Variants in ATP8B2 observed in about 807,000 individuals in gnomAD.
ATP8B2 encodes the protein ATPase phospholipid transporting 8B2.
Under a neutral mutation model 133.4 loss-of-function variants are expected in ATP8B2, and 70 were observed. That is an observed-to-expected ratio of 0.52 (90% CI 0.43 to 0.64). The LOEUF (loss-of-function observed/expected upper bound fraction) is 0.64. Among genes scored for constraint, ATP8B2 ranks in the 30% least tolerant of loss-of-function variants. ATP8B2 has a pLI of 0.00. For missense variants in ATP8B2, 1,101 were observed against 1,535.7 expected, an observed-to-expected ratio of 0.72 and a Z score of 4.73; for synonymous variants, 517 against 589.5, an observed-to-expected ratio of 0.88 and a Z score of 1.78.
Position 154,334,032 on chromosome 1 carries a change from TTC to T in ATP8B2, c.590-71_590-70del. The T allele has an allele frequency of 3.9e-6, 6 of 1,551,368 alleles. No individual in the cohort carries two copies. In the South Asian group the frequency reaches 5.9e-5, roughly 15 times the overall value. On this transcript the variant is annotated intron_variant, in intron 9 of 27. Transcript: ENST00000368489. The surrounding 1 kb of genome is among the most constrained non-coding windows in gnomAD (Gnocchi z 4.6). ...TTGCATCCTCTTCGCTCAGCTCATT[TTC>T]TCTTTGTTTTATTGTCTTGTGGTTA...
At position 154,344,701 on chromosome 1, in the gene ATP8B2, G is replaced by A. The variant is rs750759094; in HGVS notation, c.2202G>A (p.Gln734=). Residue 734 remains glutamine, a synonymous_variant, in exon 21 of 28, where the codon CAG becomes CAA. Transcript: ENST00000368489. This position sits in a 1 kb window ranked among gnomAD's most constrained non-coding sequence, Gnocchi z 4.1. ...CCGTAGGCAACGGCTTCACCTATCA[G>A]GACAAGCTTTCTTCTTCCAAGCTAA... is the stretch of plus-strand genomic sequence containing the variant. The part of the protein sequence containing the change: ...SRSVGNGFTY[Q]DKLSSSKLTS... 10 of 1,612,484 alleles carry A rather than the reference G, an allele frequency of 6.2e-6. No homozygotes were observed. The highest frequency in any genetic ancestry group is 1.7e-5 in the Admixed American group (1 of 59,996).
Position 154,343,114 on chromosome 1 carries a change from A to C in ATP8B2, c.1455A>C (p.Gly485=). Residue 485 remains glycine, a splice_region_variant and synonymous_variant, in exon 16 of 28, where the codon GGA becomes GGC. Transcript: ENST00000368489. This position sits in a 1 kb window ranked among gnomAD's most constrained non-coding sequence, Gnocchi z 5.8. The part of the protein sequence containing the change: ...HTVMSEEKNE[G]ELYYKAQSPD... ...CGTGTATTCTTCCTCCCCACCCAGG[A>C]GAGCTGTACTACAAAGCTCAGTCCC... The C allele has an allele frequency of 6.2e-7, 1 of 1,612,706 alleles. No individual in the cohort carries two copies. The highest frequency in any genetic ancestry group is 8.5e-7 in the Non-Finnish European group (1 of 1,179,328).
At chr1:154,347,089 C>A (rs1170389145) in intron 26 of ATP8B2, among the ~76,000 whole-genome samples, 3 of 152,138 alleles carry the variant, frequency 2.0e-5, no homozygotes, top group Non-Finnish European at 4.4e-5. Flanking sequence ...AGGGTTTCAC[C>A]ATGTTGGCCA....
chr1:154,325,970 G>A (rs1685777527), intron 1 of ATP8B2, among the ~76,000 whole-genome samples: 1 of 152,174 alleles, frequency 6.6e-6, no homozygotes, highest in Non-Finnish European at 1.5e-5. Flanking sequence ...CGCGTGGAGA[G>A]CAGGAGAGCG....
intron 11 of ATP8B2, among the ~76,000 whole-genome samples, chr1:154,335,398 T>C (rs1043958672): frequency 1.3e-5 from 2 of 152,128 alleles, no homozygotes; most frequent in African/African-American, 2.4e-5. Flanking sequence ...TTTTGACTAA[T>C]CAGGAAATCT....
Position 154,348,987 on chromosome 1 carries a change from C to A in ATP8B2, c.3442C>A (p.Arg1148=). The A allele has an allele frequency of 3.1e-6, 5 of 1,614,246 alleles. No homozygotes were observed. The highest frequency in any genetic ancestry group is 4.2e-6 in the Non-Finnish European group (5 of 1,180,030). Residue 1148 remains arginine, a synonymous_variant, in exon 28 of 28, where the codon CGG becomes AGG. Transcript: ENST00000368489. ...GCTCATCATGTCTGGCAAGAACATG[C>A]GGCTGAGCTCTCTCGCGCTCTCCAG... ...GELIMSGKNM[R]LSSLALSSFT... is the part of the protein sequence containing the mutation.
chr1:154,332,154 A>G, intron 8 of ATP8B2, 130 bp downstream of exon 8: 1 of 860,616 alleles, frequency 1.2e-6, no homozygotes, highest in Non-Finnish European at 1.9e-6. Flanking sequence ...AAGGCTTTGG[A>G]TGGGATGTGT....
In ATP8B2 at chr1:154,334,968, TCCCCCC is replaced by T. The variant is rs1686126218; in HGVS notation, c.837+378_837+383del. 6.6e-6 allele frequency among the ~76,000 whole-genome samples: 1 copy of T among 152,076 alleles called. No individual in the cohort carries two copies. Among genetic ancestry groups the T allele is most frequent in the African/African-American group, 2.4e-5 (1 of 41,414 alleles). The stretch of plus-strand genomic sequence containing the variant: ...TTTGGAAGAGGTTGGCAGGGTCTTT[TCCCCCC>T]AACTTCTAAGAACGAAGGATCCCAA... On this transcript the variant is annotated intron_variant, in intron 11 of 27. Coordinates refer to ENST00000368489, the MANE Select transcript of ATP8B2 (RefSeq NM_001370597.1). The surrounding 1 kb of genome is among the most constrained non-coding windows in gnomAD (Gnocchi z 4.6).
Position 154,340,591 on chromosome 1 carries a change from C to T in ATP8B2, c.1035-263C>T. The T allele has an allele frequency of 1.9e-6, 1 of 514,272 alleles. No individual in the cohort carries two copies. The highest frequency in any genetic ancestry group is 3.4e-5 in the East Asian group (1 of 29,392). The allele number at this position is 514,272 out of a possible 1,614,324, so 31.9% of individuals were successfully genotyped here. ...GTCTACAGCCCCTTTTCCTCCTTTG[C>T]TGTCTGTCCTGCCCACCCAGGCCCT... is the stretch of plus-strand genomic sequence containing the variant. On this transcript the variant is annotated intron_variant, in intron 12 of 27. Coordinates refer to ENST00000368489, the MANE Select transcript of ATP8B2 (RefSeq NM_001370597.1). This position sits in a 1 kb window ranked among gnomAD's most constrained non-coding sequence, Gnocchi z 4.0.
intron 12 of ATP8B2, among the ~76,000 whole-genome samples, chr1:154,339,217 GT>G (rs1319180268): frequency 6.6e-6 from 1 of 152,170 alleles, no homozygotes; most frequent in Non-Finnish European, 1.5e-5. Context: ...AGAGAATATA[GT>G]TTAGGCTTTT....
intron 11 of ATP8B2, among the ~76,000 whole-genome samples, chr1:154,336,664 A>AT (rs1686193035): frequency 6.6e-6 from 1 of 151,294 alleles, no homozygotes. Context: ...ATTTTTTTGT[A>AT]TTTTTAGTAG....
rs1686093307 is a variant in ATP8B2 at position 154,334,046 on chromosome 1, T to C, written c.590-61T>C. ...CTCAGCTCATTTTCTCTTTGTTTTA[T>C]TGTCTTGTGGTTAGGCTGTAGACTG... On this transcript the variant is annotated intron_variant, in intron 9 of 27. Coordinates refer to ENST00000368489, the MANE Select transcript of ATP8B2 (RefSeq NM_001370597.1). This position sits in a 1 kb window ranked among gnomAD's most constrained non-coding sequence, Gnocchi z 4.6. 6.3e-7 allele frequency: 1 copy of C among 1,575,112 alleles called. No individual in the cohort carries two copies. The highest frequency in any genetic ancestry group is 1.7e-5 in the Admixed American group (1 of 57,592).
chr1:154,332,005 G>C lies in ATP8B2; in HGVS notation c.490G>C (p.Glu164Gln). 1 of 1,614,040 alleles carries C rather than the reference G, an allele frequency of 6.2e-7. No homozygotes were observed. Residue 164 changes from glutamate to glutamine, a missense_variant, in exon 8 of 28, where the codon GAG becomes CAG. Physicochemically the swap from Glu to Gln is conservative, Grantham distance 29. Coordinates refer to ENST00000368489, the MANE Select transcript of ATP8B2 (RefSeq NM_001370597.1). ...TGAGCCCCATGGGCTGTGTTACATA[G>C]AGACAGCAGAACTTGATGGGTAAGT... is the stretch of plus-strand genomic sequence containing the variant. ...SSEPHGLCYI[E>Q]TAELDGETNM...
chr1:154,328,736 G>A lies in ATP8B2; in HGVS notation c.31+564G>A, dbSNP rs1184963841. 5.3e-6 allele frequency: 5 copies of A among 945,796 alleles called. No homozygotes were observed. The highest frequency in any genetic ancestry group is 6.3e-6 in the Non-Finnish European group (5 of 792,226). The allele number at this position is 945,796 out of a possible 1,614,324, so 58.6% of individuals were successfully genotyped here. ...CCCTGGGCGTGCTCGGCGTGTCCGG[G>A]GCCACTCAGCGCACGCTGGCATCCG... is the stretch of plus-strand genomic sequence containing the variant. On this transcript the variant is annotated intron_variant, in intron 2 of 27. Coordinates refer to ENST00000368489, the MANE Select transcript of ATP8B2 (RefSeq NM_001370597.1). The surrounding 1 kb of genome is among the most constrained non-coding windows in gnomAD (Gnocchi z 4.6).
intron 2 of ATP8B2, among the ~76,000 whole-genome samples, chr1:154,329,597 A>G (rs909165514): frequency 3.3e-5 from 5 of 152,174 alleles, no homozygotes; most frequent in Non-Finnish European, 7.3e-5. Flanking sequence ...TTAGCTAGAT[A>G]GGTGTCACTA....
chr1:154,342,711 A>G, intron 14 of ATP8B2, 85 bp from the exon 15 acceptor site: 1 of 1,524,216 alleles, frequency 6.6e-7, no homozygotes, highest in Middle Eastern at 1.8e-4. Context: ...GAGCCTACTG[A>G]GAGTTGGGAG....
rs570444590 is a variant in ATP8B2 at position 154,348,532 on chromosome 1, C to T, written c.3288C>T (p.Ser1096=). 8.7e-5 allele frequency: 141 copies of T among 1,613,650 alleles called. No individual in the cohort carries two copies. Among genetic ancestry groups the T allele is most frequent in the South Asian group, 3.8e-4 (35 of 91,068 alleles). Residue 1096 remains serine, a synonymous_variant, in exon 27 of 28, where the codon TCC becomes TCT. Coordinates refer to ENST00000368489, the MANE Select transcript of ATP8B2 (RefSeq NM_001370597.1). ...GGCTCAACCTGAAGCCGGATCTCTC[C>T]GACACGGTGAGAAGCCAGGCTACCT... ...FLRLNLKPDL[S]DTVRYTQLVR...
At chr1:154,335,122 C>T (rs1043742121) in intron 11 of ATP8B2, among the ~76,000 whole-genome samples, 8 of 152,176 alleles carry the variant, frequency 5.3e-5, no homozygotes, top group African/African-American at 1.9e-4. Context: ...TGCCTGCCCG[C>T]CACATGCCAG....
At chr1:154,334,000 C>A in intron 9 of ATP8B2, 107 bp from the exon 10 acceptor site, 1 of 1,372,632 alleles carries the variant, frequency 7.3e-7, no homozygotes, top group South Asian at 1.3e-5. Context: ...TGGATGGGCC[C>A]TTGCCCTTGC....
Sources: gnomAD v4.1 joint callset for allele counts (sites outside exome capture counted in the v4.1 genomes callset) on GRCh38, gnomAD v4.1.1 for gene constraint, Gnocchi (gnomAD v3.1) non-coding constraint, MANE v1.5 for transcripts, NCBI Gene and HGNC (gene_info 2026-07-23, HGNC 2026-07-21) for gene names.